Variants in BCAR3 observed in about 807,000 individuals in gnomAD.
BCAR3 encodes the protein BCAR3 adaptor protein, NSP family member.
BCAR3 carries 37 observed loss-of-function variants against 80.1 expected under a neutral mutation model. That is an observed-to-expected ratio of 0.46 (90% CI 0.36 to 0.61). The LOEUF (loss-of-function observed/expected upper bound fraction) is 0.61. Ranked by LOEUF, BCAR3 falls within the 20% of genes least tolerant of loss-of-function variation. The pLI, the probability that BCAR3 is intolerant of heterozygous loss-of-function variation, is 0.00. For missense variants in BCAR3, 978 were observed against 1,068.2 expected, an observed-to-expected ratio of 0.92 and a Z score of 1.18; for synonymous variants, 389 against 418.9, an observed-to-expected ratio of 0.93 and a Z score of 0.87.
intron 2 of BCAR3, among the ~76,000 whole-genome samples, chr1:93,666,418 G>A (rs752589148): frequency 1.1e-4 from 17 of 152,072 alleles, no homozygotes; most frequent in Admixed American, 2.0e-4. Context: ...CCATGCCAGA[G>A]AGGCCTTCTC....
chr1:93,596,669 T>C, intron 3 of BCAR3, among the ~76,000 whole-genome samples: 1 of 152,380 alleles, frequency 6.6e-6, no homozygotes, highest in Non-Finnish European at 1.5e-5. Context: ...TAAACGTTAA[T>C]AATGATCACA....
At chr1:93,758,976 C>T (rs147461902) in intron 2 of BCAR3, among the ~76,000 whole-genome samples, 1 of 152,280 alleles carries the variant, frequency 6.6e-6, no homozygotes, top group Non-Finnish European at 1.5e-5. Flanking sequence ...ATTTCCTAGC[C>T]AAGAGCATTC....
At chr1:93,730,012 G>T (rs1412895016) in intron 2 of BCAR3, among the ~76,000 whole-genome samples, 1 of 152,104 alleles carries the variant, frequency 6.6e-6, no homozygotes, top group African/African-American at 2.4e-5. Context: ...GTCTTAAATT[G>T]TATAGAACAG....
intron 3 of BCAR3, among the ~76,000 whole-genome samples, chr1:93,622,261 G>A (rs1278826695): frequency 6.6e-6 from 1 of 152,186 alleles, no homozygotes; most frequent in Non-Finnish European, 1.5e-5. Flanking sequence ...CACACTAGGA[G>A]AGGAGTATTA....
At chr1:93,814,263 GCCTCTGCTGATGTGATTGACAAAGGA>G (rs755108781) in intron 2 of BCAR3, among the ~76,000 whole-genome samples, 9 of 152,324 alleles carry the variant, frequency 5.9e-5, no homozygotes, top group Non-Finnish European at 1.2e-4. Context: ...CAGCTGCTAT[GCCTCTGCTGATGTGATTGACAAAGGA>G]CCAGATGCCC....
At chr1:93,641,499 G>A (rs1675976234) in intron 3 of BCAR3, among the ~76,000 whole-genome samples, 1 of 152,200 alleles carries the variant, frequency 6.6e-6, no homozygotes, top group African/African-American at 2.4e-5. Flanking sequence ...TCTGTAGGAG[G>A]TGACAGAATA....
intron 2 of BCAR3, among the ~76,000 whole-genome samples, chr1:93,786,593 G>T (rs2100768124): frequency 6.6e-6 from 1 of 152,262 alleles, no homozygotes; most frequent in Non-Finnish European, 1.5e-5. Context: ...TAGATAAGGG[G>T]AACAGGATCA....
chr1:93,659,399 T>A (rs1647543548), intron 2 of BCAR3, among the ~76,000 whole-genome samples: 1 of 151,802 alleles, frequency 6.6e-6, no homozygotes, highest in Non-Finnish European at 1.5e-5. Flanking sequence ...TGCTATGTTG[T>A]CCAGGCTGTT....
At chr1:93,732,243 T>C (rs1447836449) in intron 2 of BCAR3, among the ~76,000 whole-genome samples, 1 of 152,150 alleles carries the variant, frequency 6.6e-6, no homozygotes, top group African/African-American at 2.4e-5. Flanking sequence ...CAGAAGATGC[T>C]TTGTAAAGCC....
chr1:93,565,007 G>A (rs1470548703), intron 11 of BCAR3, among the ~76,000 whole-genome samples: 1 of 152,082 alleles, frequency 6.6e-6, no homozygotes, highest in Non-Finnish European at 1.5e-5. Context: ...CTAGATCACA[G>A]GATCTTGGTT....
At chr1:93,696,344 C>T (rs1233418583) in intron 3 of BCAR3, among the ~76,000 whole-genome samples, 1 of 152,184 alleles carries the variant, frequency 6.6e-6, no homozygotes, top group Admixed American at 6.5e-5. Flanking sequence ...CCAGCTATTG[C>T]CCAAGCTGGA....
chr1:93,710,448 G>A (rs1169407703), intron 2 of BCAR3, among the ~76,000 whole-genome samples: 1 of 152,188 alleles, frequency 6.6e-6, no homozygotes, highest in Non-Finnish European at 1.5e-5. Flanking sequence ...AGGATTGGCA[G>A]GGAGAGACTT....
At chr1:93,664,949 C>T (rs930016624) in intron 2 of BCAR3, among the ~76,000 whole-genome samples, 2 of 151,868 alleles carry the variant, frequency 1.3e-5, no homozygotes, top group South Asian at 2.1e-4. Flanking sequence ...CATTCCCTAC[C>T]GGCTTCTGAA....
chr1:93,845,825 G>C (rs1350247854), intron 1 of BCAR3: 1 of 152,096 alleles, frequency 6.6e-6, no homozygotes, highest in Non-Finnish European at 1.5e-5. Context: ...ATGCATCTGG[G>C]CCCGTGTGCT....
intron 2 of BCAR3, among the ~76,000 whole-genome samples, chr1:93,802,152 T>TA (rs1040778383): frequency 2.7e-5 from 4 of 150,494 alleles, no homozygotes; most frequent in African/African-American, 7.3e-5. Context: ...AGTTTAAAAT[T>TA]AAAAAAAATT....
At chr1:93,819,383 G>A (rs1363675842) in intron 2 of BCAR3, among the ~76,000 whole-genome samples, 1 of 152,116 alleles carries the variant, frequency 6.6e-6, no homozygotes, top group Non-Finnish European at 1.5e-5. Context: ...ATTTTAAACT[G>A]ACTTTGCTAA....
At position 93,576,085 on chromosome 1, in the gene BCAR3, C is replaced by T. The variant is rs756016235; in HGVS notation, c.1731G>A (p.Met577Ile). 1.9e-6 allele frequency: 3 copies of T among 1,614,034 alleles called. No homozygotes were observed. The highest frequency in any genetic ancestry group is 1.7e-5 in the Admixed American group (1 of 60,008). The change falls in exon 8 of 12, where the codon ATG (methionine) becomes ATA (isoleucine). Residue 577 changes from methionine (M) to isoleucine (I), a missense_variant. By Grantham distance (10) the Met-to-Ile change is conservative. Transcript: ENST00000260502. Reference protein sequence around the residue: ...LGVSEEMRRNMGVSSGLELIT... With the variant: ...LGVSEEMRRNIGVSSGLELIT... The stretch of plus-strand genomic sequence containing the variant: ...TGAGTTCCAGGCCTGAGCTCACCCC[C>T]ATGTTCCTCCTCATCTCTTCAGAGA...
intron 3 of BCAR3, among the ~76,000 whole-genome samples, chr1:93,637,957 C>T (rs1292207097): frequency 1.3e-5 from 2 of 151,990 alleles, no homozygotes; most frequent in African/African-American, 4.8e-5. Flanking sequence ...CTAATTAGAA[C>T]AAAAGTGTGG....
intron 2 of BCAR3, among the ~76,000 whole-genome samples, chr1:93,826,919 G>C (rs1175290711): frequency 6.6e-6 from 1 of 152,162 alleles, no homozygotes; most frequent in Non-Finnish European, 1.5e-5. Flanking sequence ...CCCAGGGAAA[G>C]GGACAATATG....
Sources: allele counts gnomAD v4.1 joint callset (sites outside exome capture counted in the v4.1 genomes callset), GRCh38; gene constraint gnomAD v4.1.1; transcripts MANE v1.5; gene names NCBI Gene and HGNC (gene_info 2026-07-23, HGNC 2026-07-21).